The following ARHGAP31 variants were observed in gnomAD, a reference collection of about 807,000 sequenced individuals.
ARHGAP31 encodes rho GTPase-activating protein 31.
A neutral mutation model predicts 113.9 loss-of-function variants in ARHGAP31; 34 were observed. The observed-to-expected ratio is 0.30, with a 90% confidence interval of 0.23 to 0.40. The LOEUF is 0.40. Ranked by LOEUF, ARHGAP31 falls within the 10% of genes least tolerant of loss-of-function variation. The probability of loss-of-function intolerance (pLI) is 1.00; values close to 1 mark genes in which losing one functional copy is unlikely to be tolerated. For missense variants in ARHGAP31, 1,548 were observed against 1,767.1 expected (o/e 0.88, Z 2.22); for synonymous variants, 650 against 684.8 (o/e 0.95, Z 0.79).
intron 1 of ARHGAP31, among the ~76,000 whole-genome samples, chr3:119,341,321 T>C (rs1437322875): frequency 6.6e-6 from 1 of 152,208 alleles, no homozygotes; most frequent in Non-Finnish European, 1.5e-5. Context: ...TGTCTTAAGC[T>C]GGCGTTGCTG....
At chr3:119,374,690 C>T (rs781345892) in intron 3 of ARHGAP31, among the ~76,000 whole-genome samples, 8 of 152,148 alleles carry the variant, frequency 5.3e-5, no homozygotes, top group Non-Finnish European at 7.4e-5. Context: ...ACTCCTGCTC[C>T]GCTGTGGTAA....
chr3:119,367,841 A>C (rs1262194408), intron 2 of ARHGAP31, among the ~76,000 whole-genome samples: 1 of 148,128 alleles, frequency 6.8e-6, no homozygotes, highest in Non-Finnish European at 1.5e-5. Context: ...TGGGTGACAG[A>C]GCGAGACTCC....
In ARHGAP31 at chr3:119,415,596, G is replaced by A. The variant is rs756238203; in HGVS notation, c.3667G>A (p.Glu1223Lys). The change falls in exon 12 of 12, where the codon GAG (glutamate) becomes AAG (lysine). Residue 1223 changes from glutamate to lysine, a missense_variant. Glu to Lys is a moderately conservative substitution (Grantham distance 56, BLOSUM62 1). Coordinates refer to ENST00000264245, the MANE Select transcript of ARHGAP31 (RefSeq NM_020754.4). ...GCCCCTGCCCTCTCAGAGCTCAGGG[G>A]AGAATGGGGTTCAGCCTCTGGAGAG... ...PQPLPSQSSG[E>K]NGVQPLERSQ... 1 of 1,614,136 alleles carries A rather than the reference G, an allele frequency of 6.2e-7. No homozygotes were observed. Among genetic ancestry groups the A allele is most frequent in the East Asian group, 2.2e-5 (1 of 44,864 alleles).
intron 6 of ARHGAP31, among the ~76,000 whole-genome samples, chr3:119,384,118 G>T (rs2080427502): frequency 6.6e-6 from 1 of 152,130 alleles, no homozygotes; most frequent in South Asian, 2.1e-4. Context: ...GCTGATCAAA[G>T]AACTCCTTTC....
intron 9 of ARHGAP31, among the ~76,000 whole-genome samples, chr3:119,400,936 C>T (rs2080599272): frequency 6.6e-6 from 1 of 151,986 alleles, no homozygotes; most frequent in Non-Finnish European, 1.5e-5. Context: ...TTTGGGAGGC[C>T]GAGGCAGGCA....
chr3:119,342,979 A>T (rs993236482), intron 1 of ARHGAP31, among the ~76,000 whole-genome samples: 1 of 152,138 alleles, frequency 6.6e-6, no homozygotes, highest in Non-Finnish European at 1.5e-5. Flanking sequence ...GGACAAATAC[A>T]CACAATGTTA....
Position 119,294,673 on chromosome 3 carries a change from C to G in ARHGAP31, c.-232C>G. 1.7e-6 allele frequency: 1 copy of G among 579,562 alleles called. No individual in the cohort carries two copies. Among genetic ancestry groups the G allele is most frequent in the Middle Eastern group, 4.6e-4 (1 of 2,184 alleles). The allele number at this position is 579,562 out of a possible 1,614,324, so 35.9% of individuals were successfully genotyped here. On this transcript the variant is annotated 5_prime_UTR_variant, in exon 1 of 12. Transcript: ENST00000264245. ...GGCGAGCCGGCCCGCGGCTGCCAGT[C>G]TGCACGGCCTCGGCACGGCGGCCCC... is the stretch of plus-strand genomic sequence containing the variant.
intron 1 of ARHGAP31, among the ~76,000 whole-genome samples, chr3:119,334,214 C>T (rs1238081057): frequency 6.6e-6 from 1 of 152,154 alleles, no homozygotes; most frequent in African/African-American, 2.4e-5. Flanking sequence ...TCCCCCTCAT[C>T]TCCTGTTTGG....
At position 119,415,593 on chromosome 3, in the gene ARHGAP31, G is replaced by A. The variant is rs1224653105; in HGVS notation, c.3664G>A (p.Gly1222Arg). 3.1e-6 allele frequency: 5 copies of A among 1,614,130 alleles called. No homozygotes were observed. Among genetic ancestry groups the A allele is most frequent in the Non-Finnish European group, 4.2e-6 (5 of 1,180,022 alleles). Residue 1222 changes from glycine to arginine, a missense_variant, in exon 12 of 12, where the codon GGG (glycine) becomes AGG (arginine). Coordinates refer to ENST00000264245, the MANE Select transcript of ARHGAP31 (RefSeq NM_020754.4). ...IPQPLPSQSSGENGVQPLERS... is the reference protein window; with the variant it reads ...IPQPLPSQSSRENGVQPLERS... ...ACAGCCCCTGCCCTCTCAGAGCTCA[G>A]GGGAGAATGGGGTTCAGCCTCTGGA... is the stretch of plus-strand genomic sequence containing the variant.
Position 119,380,888 on chromosome 3 carries a change from G to A in ARHGAP31, c.349-16G>A, listed in dbSNP as rs759589229. 1 of 1,613,302 alleles carries A rather than the reference G, an allele frequency of 6.2e-7. No homozygotes were observed. The highest frequency in any genetic ancestry group is 2.2e-5 in the East Asian group (1 of 44,878). ...TCTCAAGCACTCACCAGGCTGCCTTGTGTTCTTCTCCACAGGAGGCAGTGT... is the reference window on the plus strand; with the variant it reads ...TCTCAAGCACTCACCAGGCTGCCTTATGTTCTTCTCCACAGGAGGCAGTGT... On this transcript the variant is annotated splice_polypyrimidine_tract_variant and intron_variant, in intron 3 of 11. Coordinates refer to ENST00000264245, the MANE Select transcript of ARHGAP31 (RefSeq NM_020754.4).
chr3:119,336,866 C>T (rs1577000494), intron 1 of ARHGAP31, among the ~76,000 whole-genome samples: 1 of 152,186 alleles, frequency 6.6e-6, no homozygotes, highest in African/African-American at 2.4e-5. Context: ...TAGTTTCTAT[C>T]TTTACAGATT....
chr3:119,351,396 T>C (rs1041958949), intron 1 of ARHGAP31, among the ~76,000 whole-genome samples: 1 of 152,200 alleles, frequency 6.6e-6, no homozygotes, highest in African/African-American at 2.4e-5. Flanking sequence ...GCTTATAAAA[T>C]GTACTGGAAA....
chr3:119,397,336 C>A (rs965985619), intron 8 of ARHGAP31, among the ~76,000 whole-genome samples: 1 of 152,220 alleles, frequency 6.6e-6, no homozygotes, highest in Admixed American at 6.5e-5. Flanking sequence ...AGCTGCTACC[C>A]GGCCTCTGTG....
rs536822943 is a variant in ARHGAP31 at position 119,355,361 on chromosome 3, A to G, written c.101-9955A>G. Among the ~76,000 whole-genome samples, 10 of 152,342 alleles carry G rather than the reference A, an allele frequency of 6.6e-5. No homozygotes were observed. The South Asian group carries it at 1.4e-3, about 22-fold the overall frequency. On this transcript the variant is annotated intron_variant, in intron 1 of 11. Coordinates refer to ENST00000264245, the MANE Select transcript of ARHGAP31 (RefSeq NM_020754.4). ...CCACCTAAAGCCATGCTTGACACTT[A>G]GTAACTATTTTCTTTGAGGAATCCA...
chr3:119,391,086 G>T, intron 7 of ARHGAP31, 103 bp downstream of exon 7: 2 of 1,292,582 alleles, frequency 1.5e-6, no homozygotes, highest in East Asian at 2.4e-5. Context: ...GTGGGTTGGA[G>T]GTACCGTCTG....
chr3:119,389,366 A>G (rs1002603815), intron 6 of ARHGAP31, among the ~76,000 whole-genome samples: 7 of 152,192 alleles, frequency 4.6e-5, no homozygotes, highest in South Asian at 2.1e-4. Context: ...ATTTATTTTT[A>G]TGTATTTTTA....
chr3:119,375,367 T>A (rs9822221), intron 3 of ARHGAP31, among the ~76,000 whole-genome samples: 3 of 151,918 alleles, frequency 2.0e-5, no homozygotes, highest in Non-Finnish European at 4.4e-5. Flanking sequence ...GCCTCACTCC[T>A]GTCTCTGCCT....
At position 119,390,943 on chromosome 3, in the gene ARHGAP31, G is replaced by A; in HGVS notation, c.841G>A (p.Gly281Ser). 1 of 1,614,100 alleles carries A rather than the reference G, an allele frequency of 6.2e-7. No individual in the cohort carries two copies. Among genetic ancestry groups the A allele is most frequent in the East Asian group, 2.2e-5 (1 of 44,884 alleles). The change falls in exon 7 of 12, where the codon GGC becomes AGC. Residue 281 changes from glycine (G) to serine (S), a missense_variant. By Grantham distance (56) the Gly-to-Ser change is moderately conservative. Transcript: ENST00000264245. ...NSLPEIVPPMGTLFHTVLELP... is the reference protein window; with the variant it reads ...NSLPEIVPPMSTLFHTVLELP... ...CCTGCCTGAGATTGTCCCTCCCATG[G>A]GCACCCTCTTCCACACTGTCCTTGA...
chr3:119,341,878 G>T (rs1368426635), intron 1 of ARHGAP31: 2 of 151,480 alleles, frequency 1.3e-5, no homozygotes, highest in East Asian at 3.9e-4. Context: ...TCCTTGCGCA[G>T]GAGCCATGCT....
Sources: allele counts gnomAD v4.1 joint callset (sites outside exome capture counted in the v4.1 genomes callset), GRCh38; gene constraint gnomAD v4.1.1; transcripts MANE v1.5; gene names NCBI Gene and HGNC (gene_info 2026-07-23, HGNC 2026-07-21).